The following ARHGAP5 variants were observed in gnomAD, a reference collection of about 807,000 sequenced individuals.
ARHGAP5 encodes the protein rho GTPase-activating protein 5.
Under a neutral mutation model 116.6 loss-of-function variants are expected in ARHGAP5, and 23 were observed. The ratio of observed to expected loss-of-function variants is 0.20; its 90% CI spans 0.14 to 0.28. The LOEUF (loss-of-function observed/expected upper bound fraction) is 0.28, where lower values mean the gene tolerates loss of function less well. Ranked by LOEUF, ARHGAP5 falls within the 10% of genes least tolerant of loss-of-function variation. The probability of loss-of-function intolerance (pLI) is 1.00; values close to 1 mark genes in which losing one functional copy is unlikely to be tolerated. For missense variants in ARHGAP5, 1,405 were observed against 1,774.8 expected (o/e 0.79, Z 3.74); for synonymous variants, 574 against 602.0 (o/e 0.95, Z 0.68).
At chr14:32,115,987 T>G (rs780791300) in intron 2 of ARHGAP5, among the ~76,000 whole-genome samples, 131 of 146,178 alleles carry the variant, frequency 9.0e-4, no homozygotes, top group Admixed American at 1.6e-3. Context: ...AGAGCGAGAC[T>G]CCGTCTAAAA....
intron 3 of ARHGAP5, 98 bp downstream of exon 3, chr14:32,117,385 C>G (rs45470092): frequency 0.016 from 17,998 of 1,138,800 alleles, 204 homozygotes; most frequent in South Asian, 0.022. Context: ...ATATAGTTCT[C>G]ATTATTAGGA....
chr14:32,136,438 T>TGTTATATATG (rs1336773825), intron 3 of ARHGAP5, among the ~76,000 whole-genome samples: 21 of 152,352 alleles, frequency 1.4e-4, no homozygotes, highest in African/African-American at 5.0e-4. Flanking sequence ...ATAGCATGTA[T>TGTTATATATG]CAGTACATTA....
intron 2 of ARHGAP5, among the ~76,000 whole-genome samples, chr14:32,108,953 A>C (rs1440973165): frequency 6.6e-6 from 1 of 152,170 alleles, no homozygotes; most frequent in Non-Finnish European, 1.5e-5. Flanking sequence ...AGATCCTTTA[A>C]AATTGCTAAC....
At chr14:32,133,771 T>A (rs1331468973) in intron 3 of ARHGAP5, among the ~76,000 whole-genome samples, 1 of 152,222 alleles carries the variant, frequency 6.6e-6, no homozygotes, top group African/African-American at 2.4e-5. Context: ...ATACCTAATT[T>A]ATTGAGAGTT....
intron 3 of ARHGAP5, among the ~76,000 whole-genome samples, chr14:32,142,866 C>A (rs866111899): frequency 6.6e-6 from 1 of 152,132 alleles, no homozygotes; most frequent in South Asian, 2.1e-4. Context: ...GCTCATTAGT[C>A]GCTTTTGTTG....
At chr14:32,151,252 ATGT>A (rs1351344201) in intron 5 of ARHGAP5, among the ~76,000 whole-genome samples, 1 of 152,262 alleles carries the variant, frequency 6.6e-6, no homozygotes, top group Non-Finnish European at 1.5e-5. Context: ...AACAAATGAA[ATGT>A]TGTTAGTAAT....
intron 4 of ARHGAP5, among the ~76,000 whole-genome samples, chr14:32,148,735 G>T (rs899898073): frequency 6.6e-6 from 1 of 152,036 alleles, no homozygotes; most frequent in African/African-American, 2.4e-5. Flanking sequence ...TTTTTAATGA[G>T]CAGAGAAAGG....
At chr14:32,100,532 G>A (rs1878744991) in intron 2 of ARHGAP5, among the ~76,000 whole-genome samples, 1 of 152,114 alleles carries the variant, frequency 6.6e-6, no homozygotes, top group African/African-American at 2.4e-5. Context: ...CGTAGCAACT[G>A]TTTACACAGC....
At chr14:32,100,115 C>T (rs574974492) in intron 2 of ARHGAP5, among the ~76,000 whole-genome samples, 7 of 152,262 alleles carry the variant, frequency 4.6e-5, no homozygotes, top group South Asian at 2.1e-4. Flanking sequence ...CCTCTGTATC[C>T]GTGAGTTTCA....
chr14:32,143,357 C>T (rs1281005328), intron 3 of ARHGAP5, among the ~76,000 whole-genome samples: 1 of 152,032 alleles, frequency 6.6e-6, no homozygotes, highest in Non-Finnish European at 1.5e-5. Flanking sequence ...ATTCTTCTGC[C>T]TCAGCTTCCA....
At chr14:32,120,587 T>C (rs952372118) in intron 3 of ARHGAP5, among the ~76,000 whole-genome samples, 24 of 151,592 alleles carry the variant, frequency 1.6e-4, no homozygotes, top group African/African-American at 5.8e-4. Flanking sequence ...TTTGTTTAAT[T>C]CAAAATACTT....
At chr14:32,153,008 A>G (rs1307933494) in intron 6 of ARHGAP5, among the ~76,000 whole-genome samples, 1 of 150,586 alleles carries the variant, frequency 6.6e-6, no homozygotes. Context: ...GTCTCCTCAT[A>G]ATATTTTCTA....
intron 3 of ARHGAP5, among the ~76,000 whole-genome samples, chr14:32,140,439 T>C (rs947779897): frequency 6.6e-6 from 1 of 150,710 alleles, no homozygotes; most frequent in African/African-American, 2.4e-5. Flanking sequence ...AAAAAAAAAT[T>C]AGCCAGGTGT....
chr14:32,129,803 G>A (rs931847209), intron 3 of ARHGAP5, among the ~76,000 whole-genome samples: 3 of 151,824 alleles, frequency 2.0e-5, no homozygotes, highest in African/African-American at 7.3e-5. Flanking sequence ...TTATTCACTT[G>A]GCAAAACCTC....
Position 32,117,255 on chromosome 14 carries a change from T to C in ARHGAP5, c.3833T>C (p.Val1278Ala), listed in dbSNP as rs757743397. 3 of 1,607,738 alleles carry C rather than the reference T, an allele frequency of 1.9e-6. No homozygotes were observed. Among genetic ancestry groups the C allele is most frequent in the Non-Finnish European group, 2.6e-6 (3 of 1,176,242 alleles). The change falls in exon 3 of 7, where the codon GTT (valine) becomes GCT (alanine). Residue 1278 changes from valine (V) to alanine (A), a missense_variant. Transcript: ENST00000345122. Reference protein sequence around the residue: ...VTAEKPIPLFVEKCVEFIEDT... With the variant: ...VTAEKPIPLFAEKCVEFIEDT... ...GCTGAGAAGCCCATACCACTATTTG[T>C]TGAGAAATGTGTGGAATTTATTGAA...
intron 3 of ARHGAP5, among the ~76,000 whole-genome samples, chr14:32,133,006 A>C (rs1168094037): frequency 6.6e-6 from 1 of 152,104 alleles, no homozygotes; most frequent in African/African-American, 2.4e-5. Flanking sequence ...GCATAGTTTG[A>C]AGTCAGGTAG....
rs1455661261 is a variant in ARHGAP5 at position 32,091,551 on chromosome 14, T to C, written c.882T>C (p.Ser294=). Residue 294 remains serine, a synonymous_variant, in exon 2 of 7, where the codon AGT becomes AGC. Transcript: ENST00000345122. ...RDYHATWKTV[S]NKLKNHPDYE... ...ATCATGCAACTTGGAAAACTGTTAGTAATAAATTAAAAAATCATCCTGATT... is the reference window on the plus strand; with the variant it reads ...ATCATGCAACTTGGAAAACTGTTAGCAATAAATTAAAAAATCATCCTGATT... 8 of 1,612,030 alleles carry C rather than the reference T, an allele frequency of 5.0e-6. No individual in the cohort carries two copies. Among genetic ancestry groups the C allele is most frequent in the Admixed American group, 3.3e-5 (2 of 59,726 alleles).
chr14:32,101,637 GAAT>G (rs940243977), intron 2 of ARHGAP5, among the ~76,000 whole-genome samples: 4 of 145,310 alleles, frequency 2.8e-5, no homozygotes, highest in African/African-American at 1.0e-4. Context: ...GTTCTTGAAA[GAAT>G]TTTGTGAAGG....
Position 32,154,669 on chromosome 14 carries a change from C to G in ARHGAP5, c.4230C>G (p.Ser1410=), listed in dbSNP as rs1445990032. The G allele has an allele frequency of 6.2e-7, 1 of 1,613,908 alleles. No individual in the cohort carries two copies. Among genetic ancestry groups the G allele is most frequent in the East Asian group, 2.2e-5 (1 of 44,878 alleles). The change falls in exon 7 of 7, where the codon TCC becomes TCG. Residue 1410 remains serine, a synonymous_variant. Transcript: ENST00000345122. Reference sequence around the variant, plus strand: ...ACCTAATGACAGCAGACAACTTATCCATCTGTTTTTGGCCAACCTTGATGA... The same window carrying G: ...ACCTAATGACAGCAGACAACTTATCGATCTGTTTTTGGCCAACCTTGATGA... The part of the protein sequence containing the change: ...KINLMTADNL[S]ICFWPTLMRP...
Sources: gnomAD v4.1 joint callset for allele counts (sites outside exome capture counted in the v4.1 genomes callset) on GRCh38, gnomAD v4.1.1 for gene constraint, MANE v1.5 for transcripts, NCBI Gene and HGNC (gene_info 2026-07-23, HGNC 2026-07-21) for gene names.